Variants in CEP20 observed in about 807,000 individuals in gnomAD.
CEP20 encodes FGFR1OP N-terminal like.
In CEP20, 18 loss-of-function variants were observed where a neutral mutation model predicts 20.0. The observed-to-expected ratio is 0.90, with a 90% CI of 0.62 to 1.34. CEP20 has a LOEUF of 1.34. Ranked by LOEUF, CEP20 falls within the 40% of genes most tolerant of loss-of-function variation. The probability of loss-of-function intolerance (pLI) is 0.00; values close to 1 mark genes in which losing one functional copy is unlikely to be tolerated. For missense variants in CEP20, 215 were observed against 201.6 expected, an observed-to-expected ratio of 1.07 and a Z score of -0.40; for synonymous variants, 77 against 73.7, an observed-to-expected ratio of 1.04 and a Z score of -0.23.
In CEP20 at chr16:15,867,493, G is replaced by T. The variant is rs1192080441; in HGVS notation, c.472C>A (p.Gln158Lys). 2 of 1,603,834 alleles carry T rather than the reference G, an allele frequency of 1.2e-6. No homozygotes were observed. The highest frequency in any genetic ancestry group is 1.7e-6 in the Non-Finnish European group (2 of 1,173,610). Residue 158 changes from glutamine (Q) to lysine (K), a missense_variant, in exon 5 of 5, where the codon CAG becomes AAG. Coordinates refer to ENST00000255759, the MANE Select transcript of CEP20 (RefSeq NM_144600.4). The part of the protein sequence containing the change: ...PMDDHLRKEE[Q>K]KSTNIEDLHV... The stretch of plus-strand genomic sequence containing the variant: ...AGATCTTCAATGTTAGTACTTTTCT[G>T]TTCCTCCTTTCTTAGGTGGTCATCT...
At chr16:15,872,927 A>G (rs758616042) in intron 4 of CEP20, among the ~76,000 whole-genome samples, 213 of 152,194 alleles carry the variant, frequency 1.4e-3, no homozygotes, top group Middle Eastern at 6.8e-3. Context: ...TGACTTCTCT[A>G]TCTGTATTTA....
At chr16:15,873,107 A>AT (rs1394143744) in intron 4 of CEP20, among the ~76,000 whole-genome samples, 1 of 150,132 alleles carries the variant, frequency 6.7e-6, no homozygotes, top group Non-Finnish European at 1.5e-5. Context: ...AATTAATATA[A>AT]TTTTTTAATT....
chr16:15,866,775 G>A lies in CEP20; in HGVS notation c.*665C>T, dbSNP rs1596981050. ...TTTTATTTACAGCAAAATTATTACA[G>A]CAAATTTACTTCTCCTCTACCTTTT... On this transcript the variant is annotated 3_prime_UTR_variant, in exon 5 of 5. Coordinates refer to ENST00000255759, the MANE Select transcript of CEP20 (RefSeq NM_144600.4). 1 of 152,224 alleles carries A rather than the reference G, an allele frequency of 6.6e-6. No homozygotes were observed. The highest frequency in any genetic ancestry group is 1.9e-4 in the East Asian group (1 of 5,186). 9.4% of individuals were successfully genotyped at this position (152,224 alleles called of 1,614,324 possible).
At chr16:15,881,677 G>A (rs1012292303) in intron 2 of CEP20, among the ~76,000 whole-genome samples, 1 of 151,706 alleles carries the variant, frequency 6.6e-6, no homozygotes, top group Non-Finnish European at 1.5e-5. Context: ...CAAGTCCAGG[G>A]GTAACCAGGA....
chr16:15,887,584 A>T (rs1174737932), intron 1 of CEP20, among the ~76,000 whole-genome samples: 1 of 152,186 alleles, frequency 6.6e-6, no homozygotes, highest in Non-Finnish European at 1.5e-5. Context: ...TGAAATGGGC[A>T]TAGGGTTGTT....
At chr16:15,870,127 A>C (rs2044778141) in intron 4 of CEP20, among the ~76,000 whole-genome samples, 1 of 152,192 alleles carries the variant, frequency 6.6e-6, no homozygotes, top group Admixed American at 6.5e-5. Context: ...TACCGCTTTC[A>C]TCTCAGAAGA....
At chr16:15,873,654 A>G (rs1235547073) in intron 3 of CEP20, 27 bp from the exon 4 acceptor site, 1 of 1,590,516 alleles carries the variant, frequency 6.3e-7, no homozygotes, top group South Asian at 1.1e-5. Context: ...ACAAAACAAA[A>G]CCAAAAGCTA....
intron 3 of CEP20, among the ~76,000 whole-genome samples, chr16:15,877,991 T>C (rs923068882): frequency 5.3e-5 from 8 of 151,280 alleles, no homozygotes; most frequent in South Asian, 2.1e-4. Flanking sequence ...CAGGAGGAGA[T>C]TGCGGTGAGC....
At position 15,866,468 on chromosome 16, in the gene CEP20, C is replaced by T. The variant is rs981244047; in HGVS notation, c.*972G>A. 4.6e-5 allele frequency: 7 copies of T among 152,178 alleles called. No homozygotes were observed. The highest frequency in any genetic ancestry group is 1.0e-4 in the Non-Finnish European group (7 of 68,036). 9.4% of individuals were successfully genotyped at this position (152,178 alleles called of 1,614,324 possible). A position where few individuals can be genotyped will look rare whatever the true frequency, so the allele number is the denominator to read the frequency against. Reference sequence around the variant, plus strand: ...GTTTTCAATGAAATGAGCCTGTGGACACTACATTAAAAATACTTCTTTAAT... The same window carrying T: ...GTTTTCAATGAAATGAGCCTGTGGATACTACATTAAAAATACTTCTTTAAT... On this transcript the variant is annotated 3_prime_UTR_variant, in exon 5 of 5. Coordinates refer to ENST00000255759, the MANE Select transcript of CEP20 (RefSeq NM_144600.4).
chr16:15,888,369 T>C (rs1284003572), intron 1 of CEP20, among the ~76,000 whole-genome samples, 189 bp downstream of exon 1: 2 of 152,058 alleles, frequency 1.3e-5, no homozygotes, highest in Non-Finnish European at 2.9e-5. Flanking sequence ...GTGGGCAACC[T>C]CTTCCCCATA....
intron 4 of CEP20, among the ~76,000 whole-genome samples, chr16:15,872,738 A>G (rs2044851391): frequency 7.2e-6 from 1 of 138,148 alleles, no homozygotes. Context: ...TTATGTCTCA[A>G]AAAAATACAT....
chr16:15,873,194 C>T (rs7192821), intron 4 of CEP20, among the ~76,000 whole-genome samples: 10,441 of 152,036 alleles, frequency 0.069, 479 homozygotes, highest in East Asian at 0.22. Flanking sequence ...CCACCTGCCT[C>T]GGCCTCCCAA....
At chr16:15,888,098 G>A (rs564664752) in intron 1 of CEP20, among the ~76,000 whole-genome samples, 1 of 148,240 alleles carries the variant, frequency 6.7e-6, no homozygotes, top group Admixed American at 6.7e-5. Context: ...AAAAAAGCAA[G>A]GAGGGGAGGG....
At position 15,871,861 on chromosome 16, in the gene CEP20, A is replaced by C. The variant is rs114680765; in HGVS notation, c.448+1630T>G. On this transcript the variant is annotated intron_variant, in intron 4 of 4. Coordinates refer to ENST00000255759, the MANE Select transcript of CEP20 (RefSeq NM_144600.4). The stretch of plus-strand genomic sequence containing the variant: ...GACCTCAAGAGACACCAAGCATCTA[A>C]CACGGTCACTACTGGTCATAGCAGT... Among the ~76,000 whole-genome samples, 1,184 of 152,324 alleles carry C rather than the reference A, an allele frequency of 7.8e-3. 16 individuals carry two copies. The highest frequency in any genetic ancestry group is 0.027 in the African/African-American group (1,136 of 41,574).
At chr16:15,873,764 G>A in intron 3 of CEP20, 137 bp from the exon 4 acceptor site, 4 of 1,003,626 alleles carry the variant, frequency 4.0e-6, no homozygotes, top group Non-Finnish European at 5.4e-6. Flanking sequence ...TTAAAAAGCG[G>A]CATGATTATC....
At chr16:15,882,778 T>TACACACA (rs763098969) in intron 2 of CEP20, among the ~76,000 whole-genome samples, 9 of 50,614 alleles carry the variant, frequency 1.8e-4, no homozygotes, top group East Asian at 1.4e-3. Context: ...TATCTATCTA[T>TACACACA]CTAGATACAC....
In CEP20 at chr16:15,884,271, A is replaced by G. The variant is rs377041220; in HGVS notation, c.29-66T>C. 482 of 1,451,386 alleles carry G rather than the reference A, an allele frequency of 3.3e-4. 3 individuals are homozygous for G. In the South Asian group the frequency reaches 3.7e-3, roughly 11 times the overall value. The allele number at this position is 1,451,386 out of a possible 1,614,324, so 89.9% of individuals were successfully genotyped here. A position where few individuals can be genotyped will look rare whatever the true frequency, so the allele number is the denominator to read the frequency against. On this transcript the variant is annotated intron_variant, in intron 1 of 4. Coordinates refer to ENST00000255759, the MANE Select transcript of CEP20 (RefSeq NM_144600.4). ...ATTTGTCATTCTTAGGCATACTTTG[A>G]AAAGAAATGTTGAAAAGGTAAATGG...
chr16:15,875,774 G>C (rs978002497), intron 3 of CEP20, among the ~76,000 whole-genome samples: 2 of 151,850 alleles, frequency 1.3e-5, no homozygotes, highest in African/African-American at 2.4e-5. Flanking sequence ...CTATTAACAA[G>C]GCTATTACAG....
chr16:15,873,581 C>T lies in CEP20; in HGVS notation c.358G>A (p.Asp120Asn), dbSNP rs2044873652. The T allele has an allele frequency of 6.2e-7, 1 of 1,614,016 alleles. No homozygotes were observed. Among genetic ancestry groups the T allele is most frequent in the Non-Finnish European group, 8.5e-7 (1 of 1,179,940 alleles). The change falls in exon 4 of 5, where the codon GAT becomes AAT. Residue 120 changes from aspartate (D) to asparagine (N), a missense_variant. By Grantham distance (23) the Asp-to-Asn change is conservative. Transcript: ENST00000255759. The stretch of plus-strand genomic sequence containing the variant: ...TTCAGAAATGCATTCTGGATGCCAT[C>T]CTTAGTTCCACGCAAGAAATGGGCT... ...ILAHFLRGTKDGIQNAFLKGP... is the reference protein window; with the variant it reads ...ILAHFLRGTKNGIQNAFLKGP...
Sources: allele counts gnomAD v4.1 joint callset (sites outside exome capture counted in the v4.1 genomes callset), GRCh38; gene constraint gnomAD v4.1.1; transcripts MANE v1.5; gene names NCBI Gene and HGNC (gene_info 2026-07-23, HGNC 2026-07-21).